IFT57: variants seen among roughly 807,000 people sequenced by gnomAD.
The protein encoded by IFT57 is intraflagellar transport 57.
IFT57 carries 59 observed loss-of-function variants against 56.8 expected under a neutral mutation model. The ratio of observed to expected loss-of-function variants is 1.04; its 90% CI spans 0.84 to 1.29. The LOEUF is 1.29. IFT57 is among the 50% of genes most tolerant of loss of function. The pLI is 0.00. For missense variants in IFT57, 470 were observed against 522.1 expected, an observed-to-expected ratio of 0.90 and a Z score of 0.97; for synonymous variants, 209 against 186.1, an observed-to-expected ratio of 1.12 and a Z score of -1.00.
chr3:108,204,759 C>T (rs185961744), intron 5 of IFT57, among the ~76,000 whole-genome samples: 25 of 152,182 alleles, frequency 1.6e-4, no homozygotes, highest in Admixed American at 9.2e-4. Context: ...TGAGGTAAAG[C>T]GGAAAAAGCA....
At chr3:108,205,022 T>C (rs1195161312) in intron 5 of IFT57, among the ~76,000 whole-genome samples, 1 of 152,176 alleles carries the variant, frequency 6.6e-6, no homozygotes, top group Non-Finnish European at 1.5e-5. Flanking sequence ...ATTATTCTGA[T>C]ATATTTTCAA....
At position 108,222,223 on chromosome 3, in the gene IFT57, G is replaced by GC. The variant is rs757304821; in HGVS notation, c.99dup (p.Pro34AlafsTer63). Reference sequence around the variant, plus strand: ...ACGAACATGTGGTAGGCCGCGCCGGGCCCCCGCTCCAAGACCACTTCCCCG... The same window carrying GC: ...ACGAACATGTGGTAGGCCGCGCCGGGCCCCCCGCTCCAAGACCACTTCCCCG... On this transcript the variant is annotated frameshift_variant, in exon 1 of 11. Transcript: ENST00000264538. LOFTEE classifies it high-confidence loss of function. 4 of 1,614,078 alleles carry GC rather than the reference G, an allele frequency of 2.5e-6. No homozygotes were observed. The highest frequency in any genetic ancestry group is 3.4e-6 in the Non-Finnish European group (4 of 1,180,006).
At chr3:108,165,875 T>C (rs1466268179) in intron 8 of IFT57, among the ~76,000 whole-genome samples, 1 of 152,006 alleles carries the variant, frequency 6.6e-6, no homozygotes, top group Non-Finnish European at 1.5e-5. Flanking sequence ...AAGTAGAGCA[T>C]GAAGCTCAAT....
intron 5 of IFT57, among the ~76,000 whole-genome samples, chr3:108,192,389 G>A (rs2108318051): frequency 6.6e-6 from 1 of 152,070 alleles, no homozygotes; most frequent in South Asian, 2.1e-4. Flanking sequence ...CAATTAGGGA[G>A]GGGGCCAAAT....
intron 8 of IFT57, among the ~76,000 whole-genome samples, chr3:108,166,352 A>T (rs139466075): frequency 3.3e-5 from 5 of 152,188 alleles, no homozygotes; most frequent in Non-Finnish European, 1.5e-5. Flanking sequence ...TAAAATTCTA[A>T]AACTTTGAAA....
intron 5 of IFT57, among the ~76,000 whole-genome samples, chr3:108,196,854 A>T (rs1475646561): frequency 6.6e-6 from 1 of 152,170 alleles, no homozygotes; most frequent in East Asian, 1.9e-4. Context: ...CTCACTCAAC[A>T]TTTCTTAATG....
At chr3:108,167,043 T>C in intron 7 of IFT57, 58 bp from the exon 8 acceptor site, 1 of 1,487,916 alleles carries the variant, frequency 6.7e-7, no homozygotes, top group Admixed American at 1.9e-5. Context: ...TTTTCAAAAA[T>C]ATTAAAAATG....
At chr3:108,172,840 G>A (rs1454273060) in intron 6 of IFT57, among the ~76,000 whole-genome samples, 1 of 151,786 alleles carries the variant, frequency 6.6e-6, no homozygotes, top group African/African-American at 2.4e-5. Flanking sequence ...AGGAATTTGT[G>A]TTTGCACTTA....
chr3:108,213,506 T>G (rs1194938496), intron 4 of IFT57, among the ~76,000 whole-genome samples: 1 of 152,174 alleles, frequency 6.6e-6, no homozygotes, highest in African/African-American at 2.4e-5. Flanking sequence ...TTTAAAAGCA[T>G]TAAAAAATTC....
intron 6 of IFT57, among the ~76,000 whole-genome samples, chr3:108,177,321 C>T (rs1361387967): frequency 6.6e-6 from 1 of 151,576 alleles, no homozygotes; most frequent in Non-Finnish European, 1.5e-5. Context: ...CTCTACCATA[C>T]AATAGAAAAA....
At chr3:108,167,705 G>T in intron 7 of IFT57, 88 bp downstream of exon 7, 1 of 879,468 alleles carries the variant, frequency 1.1e-6, no homozygotes, top group Non-Finnish European at 1.7e-6. Flanking sequence ...GGCAAAAATT[G>T]TGTCTTTTTA....
Position 108,184,752 on chromosome 3 carries a change from G to T in IFT57, c.777+6769C>A, listed in dbSNP as rs565296861. 3.3e-5 allele frequency among the ~76,000 whole-genome samples: 5 copies of T among 152,210 alleles called. No individual in the cohort carries two copies. The South Asian group carries it at 1.0e-3, about 32-fold the overall frequency. On this transcript the variant is annotated intron_variant, in intron 6 of 10. Transcript: ENST00000264538. ...GCAAATATTGCTTAAAATGTGTGAG[G>T]TTAATCATGTCCAAGTGAGCAGTTA...
At chr3:108,173,486 G>A (rs2080105682) in intron 6 of IFT57, among the ~76,000 whole-genome samples, 1 of 151,794 alleles carries the variant, frequency 6.6e-6, no homozygotes, top group Non-Finnish European at 1.5e-5. Context: ...AAAATTGCAT[G>A]TAATACACCT....
At chr3:108,184,515 T>C (rs844499) in intron 6 of IFT57, among the ~76,000 whole-genome samples, 69,000 of 149,898 alleles carry the variant, frequency 0.46, 16,117 homozygotes, top group Middle Eastern at 0.55. Context: ...ACCATAAATA[T>C]ACAAAAAAAA....
intron 6 of IFT57, among the ~76,000 whole-genome samples, chr3:108,188,796 TAA>T (rs2080198827): frequency 6.6e-6 from 1 of 152,190 alleles, no homozygotes; most frequent in African/African-American, 2.4e-5. Context: ...CATAGTTTTG[TAA>T]AAGAGTGTGT....
chr3:108,176,606 C>T (rs1043219892), intron 6 of IFT57, among the ~76,000 whole-genome samples: 11 of 151,844 alleles, frequency 7.2e-5, no homozygotes, highest in African/African-American at 2.7e-4. Flanking sequence ...TTCTAATCTT[C>T]TGCAGACAGA....
rs56083812 is a variant in IFT57 at position 108,169,612 on chromosome 3, G to T, written c.778-1748C>A. ...TAGGTTTTCCTCTCAGGTTTTTATG[G>T]TTTTAGGTTTTACATTTAAGTCTTT... On this transcript the variant is annotated intron_variant, in intron 6 of 10. Transcript: ENST00000264538. Among the ~76,000 whole-genome samples, 479 of 152,032 alleles carry T rather than the reference G, an allele frequency of 3.2e-3. 3 individuals are homozygous for T. Among genetic ancestry groups the T allele is most frequent in the Admixed American group, 5.4e-3 (82 of 15,252 alleles).
chr3:108,169,835 T>C (rs2108309028), intron 6 of IFT57, among the ~76,000 whole-genome samples: 1 of 152,178 alleles, frequency 6.6e-6, no homozygotes, highest in African/African-American at 2.4e-5. Flanking sequence ...GGATGCAGGC[T>C]GGTTCAACAT....
intron 6 of IFT57, among the ~76,000 whole-genome samples, chr3:108,182,759 C>A (rs550714509): frequency 2.0e-5 from 3 of 151,996 alleles, no homozygotes; most frequent in Non-Finnish European, 4.4e-5. Flanking sequence ...CTTCCAAGGC[C>A]TTTTAAAAAT....
Sources: gnomAD v4.1 joint callset for allele counts (sites outside exome capture counted in the v4.1 genomes callset) on GRCh38, gnomAD v4.1.1 for gene constraint, MANE v1.5 for transcripts, NCBI Gene and HGNC (gene_info 2026-07-23, HGNC 2026-07-21) for gene names.